Variants in ADGB observed in about 807,000 individuals in gnomAD.
ADGB encodes calpain-7-like protein.
A neutral mutation model predicts 210.5 loss-of-function variants in ADGB; 172 were observed. The observed-to-expected ratio is 0.82, with a 90% CI of 0.72 to 0.93. The LOEUF is 0.93. ADGB is among the 40% of genes least tolerant of loss of function. ADGB has a pLI of 0.00. For synonymous variants in ADGB, 658 were observed against 662.7 expected, an observed-to-expected ratio of 0.99 and a Z score of 0.11; for missense variants, 2,025 against 1,964.8, an observed-to-expected ratio of 1.03 and a Z score of -0.58.
At chr6:146,631,682 T>TTTGTTCAATGTTCATTTGTA (rs1354926687) in intron 1 of ADGB, among the ~76,000 whole-genome samples, 1 of 152,138 alleles carries the variant, frequency 6.6e-6, no homozygotes, top group African/African-American at 2.4e-5. Flanking sequence ...CCAATGTTCC[T>TTTGTTCAATGTTCATTTGTA]ACCACAGTGG....
intron 21 of ADGB, among the ~76,000 whole-genome samples, chr6:146,733,582 C>A (rs1413558210): frequency 2.0e-5 from 3 of 152,222 alleles, no homozygotes; most frequent in African/African-American, 7.2e-5. Context: ...AGTAACCCTA[C>A]TTTTCTCTCT....
intron 6 of ADGB, among the ~76,000 whole-genome samples, chr6:146,664,729 C>T (rs1775915528): frequency 6.6e-6 from 1 of 151,984 alleles, no homozygotes; most frequent in African/African-American, 2.4e-5. Flanking sequence ...TCTGTATATG[C>T]AGCAATAATT....
intron 7 of ADGB, among the ~76,000 whole-genome samples, chr6:146,669,837 A>T (rs1318888752): frequency 1.3e-5 from 2 of 152,106 alleles, no homozygotes; most frequent in Non-Finnish European, 2.9e-5. Flanking sequence ...AGCTATGTGA[A>T]TGTCAAAAGT....
chr6:146,599,022 ACATAGATCGG>A lies in ADGB; in HGVS notation c.-17_-8del. ...GGCTCTTTGCTCAGAGCTCAGCCCT[ACATAGATCGG>A]CTTCTGCCATGGCCTCCAAACAAAC... On this transcript the variant is annotated 5_prime_UTR_variant, in exon 1 of 36. Transcript: ENST00000397944. The A allele has an allele frequency of 3.9e-6, 6 of 1,549,428 alleles. No individual in the cohort carries two copies. Among genetic ancestry groups the A allele is most frequent in the Non-Finnish European group, 5.2e-6 (6 of 1,144,910 alleles).
At chr6:146,766,444 TTA>T (rs1201213321) in intron 28 of ADGB, among the ~76,000 whole-genome samples, 39 of 146,862 alleles carry the variant, frequency 2.7e-4, no homozygotes, top group African/African-American at 9.9e-4. Flanking sequence ...TTAAATTAAA[TTA>T]AATTAAATTA....
At chr6:146,774,271 C>A (rs1488541278) in intron 29 of ADGB, among the ~76,000 whole-genome samples, 3 of 152,038 alleles carry the variant, frequency 2.0e-5, no homozygotes, top group Non-Finnish European at 4.4e-5. Context: ...TAGTTTAATT[C>A]ATGAAATACA....
Position 146,611,050 on chromosome 6 carries a change from G to T in ADGB, c.74+11936G>T, listed in dbSNP as rs545062837. The stretch of plus-strand genomic sequence containing the variant: ...GGTATGGCAGTCAAGGGAGGCTGCA[G>T]GTGAGTGCATGCAGGCCGAGTTGTG... On this transcript the variant is annotated intron_variant, in intron 1 of 35. Transcript: ENST00000397944. Among the ~76,000 whole-genome samples the T allele has an allele frequency of 5.4e-4, 82 of 152,220 alleles. 1 individual carries two copies. Among genetic ancestry groups the T allele is most frequent in the African/African-American group, 1.9e-3 (79 of 41,536 alleles).
At chr6:146,698,111 A>G (rs569541570) in intron 12 of ADGB, among the ~76,000 whole-genome samples, 2 of 152,314 alleles carry the variant, frequency 1.3e-5, no homozygotes, top group East Asian at 1.9e-4. Flanking sequence ...TGATTGTGAC[A>G]TGCTTCTGGC....
chr6:146,678,669 G>T (rs1179755079), intron 9 of ADGB, among the ~76,000 whole-genome samples: 1 of 152,070 alleles, frequency 6.6e-6, no homozygotes, highest in African/African-American at 2.4e-5. Context: ...ATAAAATGAC[G>T]CTCACAGTTT....
chr6:146,745,243 A>T (rs539170985), intron 25 of ADGB, among the ~76,000 whole-genome samples: 1 of 152,308 alleles, frequency 6.6e-6, no homozygotes, highest in Non-Finnish European at 1.5e-5. Context: ...GGGCATCTGG[A>T]ATTATAATCT....
At chr6:146,803,596 T>G (rs1191189565) in intron 35 of ADGB, 1 of 1,367,828 alleles carries the variant, frequency 7.3e-7, no homozygotes, top group African/African-American at 1.4e-5. Context: ...CTTAACCTCC[T>G]TCATGTTCTT....
chr6:146,803,067 C>T (rs1778155590), intron 35 of ADGB: 3 of 1,550,408 alleles, frequency 1.9e-6, no homozygotes, highest in Middle Eastern at 2.1e-4. Context: ...TACACAGCAG[C>T]CAAGTGAGAT....
At chr6:146,780,726 T>C (rs565496724) in intron 29 of ADGB, among the ~76,000 whole-genome samples, 1 of 151,936 alleles carries the variant, frequency 6.6e-6, no homozygotes, top group Admixed American at 6.6e-5. Context: ...AAAGAAGAAA[T>C]AGACAATTCA....
At chr6:146,781,975 T>C in intron 29 of ADGB, 45 bp from the exon 30 acceptor site, 1 of 1,340,900 alleles carries the variant, frequency 7.5e-7, no homozygotes, top group South Asian at 2.1e-5. Flanking sequence ...AACCATTTTA[T>C]TGTTATATTA....
intron 35 of ADGB, among the ~76,000 whole-genome samples, chr6:146,804,812 A>G (rs894694552): frequency 3.9e-5 from 6 of 152,140 alleles, no homozygotes; most frequent in African/African-American, 1.4e-4. Context: ...AAAACCCCCA[A>G]TATCACAGTG....
intron 1 of ADGB, among the ~76,000 whole-genome samples, chr6:146,626,696 T>C (rs571082719): frequency 6.6e-6 from 1 of 152,078 alleles, no homozygotes; most frequent in Non-Finnish European, 1.5e-5. Context: ...GCTTTTAAAA[T>C]TTTTTTACCA....
intron 9 of ADGB, 49 bp from the exon 10 acceptor site, chr6:146,685,685 A>G (rs770191252): frequency 2.5e-5 from 30 of 1,203,924 alleles, no homozygotes; most frequent in Non-Finnish European, 4.5e-6. Context: ...CAACTGACAG[A>G]CCGATTTTGA....
Position 146,672,478 on chromosome 6 carries a change from T to G in ADGB, c.1087+11T>G. 6.6e-7 allele frequency: 1 copy of G among 1,524,668 alleles called. No individual in the cohort carries two copies. 94.4% of individuals were successfully genotyped at this position (1,524,668 alleles called of 1,614,324 possible). On this transcript the variant is annotated intron_variant, in intron 8 of 35. Transcript: ENST00000397944. ...ACAAAGTTCCAAAGGGTAAGATATT[T>G]TACATCAAAATGTGATTCAGTATGG...
intron 33 of ADGB, among the ~76,000 whole-genome samples, chr6:146,794,133 C>CT (rs1315250045): frequency 2.6e-5 from 4 of 152,034 alleles, no homozygotes; most frequent in Non-Finnish European, 5.9e-5. Context: ...GTCTGATTTC[C>CT]TGGGGTAATG....
Sources: allele counts gnomAD v4.1 joint callset (sites outside exome capture counted in the v4.1 genomes callset), GRCh38; gene constraint gnomAD v4.1.1; transcripts MANE v1.5; gene names NCBI Gene and HGNC (gene_info 2026-07-23, HGNC 2026-07-21).